The following GPC6 variants were observed in gnomAD, a reference collection of about 807,000 sequenced individuals.
GPC6 encodes the protein glypican 6, also known as glypican-6.
A neutral mutation model predicts 55.2 loss-of-function variants in GPC6; 14 were observed. That is an observed-to-expected ratio of 0.25 (90% CI 0.17 to 0.40). The LOEUF is 0.40. GPC6 is among the 10% of genes least tolerant of loss of function. The pLI is 1.00. For missense variants in GPC6, 641 were observed against 708.5 expected (o/e 0.90, Z 1.08); for synonymous variants, 278 against 259.6 (o/e 1.07, Z -0.68).
chr13:94,042,951 C>G (rs904360319), intron 4 of GPC6, among the ~76,000 whole-genome samples: 6 of 151,770 alleles, frequency 4.0e-5, no homozygotes, highest in Non-Finnish European at 8.8e-5. Context: ...TCGGTATGAG[C>G]TCATGGTCAT....
chr13:93,721,843 C>A (rs1204848273), intron 2 of GPC6, among the ~76,000 whole-genome samples: 1 of 151,592 alleles, frequency 6.6e-6, no homozygotes, highest in East Asian at 1.9e-4. Context: ...CATATTAAGG[C>A]AATCTTTTGC....
At chr13:93,911,123 G>A (rs142875470) in intron 3 of GPC6, among the ~76,000 whole-genome samples, 18 of 152,288 alleles carry the variant, frequency 1.2e-4, no homozygotes, top group African/African-American at 4.1e-4. Flanking sequence ...TGGTAGATGG[G>A]AAATCTTAAT....
intron 4 of GPC6, among the ~76,000 whole-genome samples, chr13:94,153,789 C>T (rs1887829271): frequency 6.6e-6 from 1 of 152,152 alleles, no homozygotes; most frequent in Non-Finnish European, 1.5e-5. Flanking sequence ...GGCCCCATCC[C>T]AGAATTCCTG....
chr13:94,047,260 T>C (rs1218267910), intron 4 of GPC6, among the ~76,000 whole-genome samples: 1 of 152,102 alleles, frequency 6.6e-6, no homozygotes, highest in Non-Finnish European at 1.5e-5. Flanking sequence ...TAAATATTAC[T>C]AAGACATTTG....
rs538125702 is a variant in GPC6 at position 94,108,400 on chromosome 13, G to A, written c.877+80506G>A. Reference sequence around the variant, plus strand: ...CAGGGAAAAAGGGTGGGAAGGGGACGAGGGTTAAAAGATTACCAATTACGT... The same window carrying A: ...CAGGGAAAAAGGGTGGGAAGGGGACAAGGGTTAAAAGATTACCAATTACGT... On this transcript the variant is annotated intron_variant, in intron 4 of 8. Transcript: ENST00000377047. Among the ~76,000 whole-genome samples, 8 of 152,256 alleles carry A rather than the reference G, an allele frequency of 5.3e-5. No individual in the cohort carries two copies. The East Asian group carries it at 9.7e-4, about 18-fold the overall frequency.
At chr13:93,648,802 C>T (rs1880285984) in intron 2 of GPC6, among the ~76,000 whole-genome samples, 1 of 152,088 alleles carries the variant, frequency 6.6e-6, no homozygotes, top group Admixed American at 6.6e-5. Context: ...TCAGAAGGTA[C>T]CTAAAATTAA....
chr13:93,273,638 A>G (rs1273698146), intron 1 of GPC6, among the ~76,000 whole-genome samples: 1 of 152,030 alleles, frequency 6.6e-6, no homozygotes, highest in Non-Finnish European at 1.5e-5. Context: ...AGCCTGGGCG[A>G]CAGAGCGAGA....
chr13:94,083,363 C>T (rs185179857), intron 4 of GPC6, among the ~76,000 whole-genome samples: 28 of 152,316 alleles, frequency 1.8e-4, no homozygotes, highest in Non-Finnish European at 3.2e-4. Context: ...TGTGATGCGC[C>T]CACCTTGGCC....
chr13:93,346,437 G>A (rs537342522), intron 1 of GPC6, among the ~76,000 whole-genome samples: 86 of 152,280 alleles, frequency 5.6e-4, no homozygotes, highest in African/African-American at 1.9e-3. Flanking sequence ...TGGCACTACT[G>A]TTGACTTCTC....
At chr13:93,543,993 C>T (rs1422048413) in intron 1 of GPC6, among the ~76,000 whole-genome samples, 1 of 152,012 alleles carries the variant, frequency 6.6e-6, no homozygotes, top group African/African-American at 2.4e-5. Flanking sequence ...TTTCTGATAA[C>T]AACCATCCTA....
At chr13:94,322,699 G>GA (rs1408772717) in intron 6 of GPC6, among the ~76,000 whole-genome samples, 5 of 151,996 alleles carry the variant, frequency 3.3e-5, no homozygotes, top group Non-Finnish European at 4.4e-5. Context: ...TTTCTTAAAA[G>GA]AAAAGCACTT....
At chr13:93,337,352 T>G (rs1021336003) in intron 1 of GPC6, among the ~76,000 whole-genome samples, 1 of 152,222 alleles carries the variant, frequency 6.6e-6, no homozygotes, top group African/African-American at 2.4e-5. Flanking sequence ...TGCTACCTAC[T>G]ACTAGTCTTC....
At chr13:93,582,089 A>G (rs942509658) in intron 2 of GPC6, among the ~76,000 whole-genome samples, 2 of 152,224 alleles carry the variant, frequency 1.3e-5, no homozygotes, top group Admixed American at 6.5e-5. Flanking sequence ...CTTAAAAACT[A>G]AATTTTTTGA....
intron 1 of GPC6, among the ~76,000 whole-genome samples, chr13:93,396,239 A>T (rs940508124): frequency 2.0e-5 from 3 of 152,226 alleles, no homozygotes; most frequent in Non-Finnish European, 4.4e-5. Context: ...AATGTTAATT[A>T]TCCATAGATA....
At chr13:93,553,557 C>T (rs1156979680) in intron 2 of GPC6, among the ~76,000 whole-genome samples, 11 of 151,396 alleles carry the variant, frequency 7.3e-5, no homozygotes, top group Non-Finnish European at 1.5e-4. Flanking sequence ...TAGCTGGGCA[C>T]GGGGGCATGC....
At chr13:94,286,857 A>C (rs1892546474) in intron 5 of GPC6, among the ~76,000 whole-genome samples, 1 of 152,184 alleles carries the variant, frequency 6.6e-6, no homozygotes, top group South Asian at 2.1e-4. Context: ...TTATATCTTC[A>C]GCTGTGCAGA....
intron 4 of GPC6, among the ~76,000 whole-genome samples, chr13:94,213,216 G>GCTCTT (rs573253931): frequency 6.6e-6 from 1 of 152,064 alleles, no homozygotes; most frequent in Non-Finnish European, 1.5e-5. Flanking sequence ...TTGGAGCTGT[G>GCTCTT]CTCTTCTCTT....
intron 4 of GPC6, among the ~76,000 whole-genome samples, chr13:94,074,865 G>A (rs559172827): frequency 6.6e-6 from 1 of 152,274 alleles, no homozygotes; most frequent in South Asian, 2.1e-4. Flanking sequence ...TGAGTCTGGT[G>A]TAACATATGA....
At chr13:93,886,630 C>T (rs1040561048) in intron 3 of GPC6, among the ~76,000 whole-genome samples, 2 of 152,024 alleles carry the variant, frequency 1.3e-5, no homozygotes, top group Admixed American at 1.3e-4. Context: ...TGAAACTGAC[C>T]TGTCCTTCAT....
Sources: allele counts gnomAD v4.1 joint callset (sites outside exome capture counted in the v4.1 genomes callset), GRCh38; gene constraint gnomAD v4.1.1; transcripts MANE v1.5; gene names NCBI Gene and HGNC (gene_info 2026-07-23, HGNC 2026-07-21).